Variants in TARBP2 observed in about 807,000 individuals in gnomAD.
TARBP2 encodes the protein RISC-loading complex subunit TARBP2.
Under a neutral mutation model 40.4 loss-of-function variants are expected in TARBP2, and 23 were observed. The observed-to-expected ratio is 0.57, with a 90% CI of 0.41 to 0.81. The LOEUF (loss-of-function observed/expected upper bound fraction) is 0.81. Ranked by LOEUF, TARBP2 falls within the 30% of genes least tolerant of loss-of-function variation. The pLI, the probability that TARBP2 is intolerant of heterozygous loss-of-function variation, is 0.00. For synonymous variants in TARBP2, 183 were observed against 190.5 expected (o/e 0.96, Z 0.32); for missense variants, 358 against 473.7 (o/e 0.76, Z 2.27).
Position 53,501,456 on chromosome 12 carries a change from G to GCCTAGGTGAGCCGTCTC in TARBP2, c.49_53+12dup, listed in dbSNP as rs1181295748. The GCCTAGGTGAGCCGTCTC allele has an allele frequency of 1.9e-6, 3 of 1,567,232 alleles. No homozygotes were observed. The highest frequency in any genetic ancestry group is 2.6e-6 in the Non-Finnish European group (3 of 1,155,832). On this transcript the variant is annotated stop_gained and frameshift_variant, in exon 1 of 9. Transcript: ENST00000266987. LOFTEE classifies it high-confidence loss of function. ...CCGGCACTACCACGGGCTGCGGGCT[G>GCCTAGGTGAGCCGTCTC]CCTAGGTGAGCCGTCTCGTACCGAT...
In TARBP2 at chr12:53,502,035, C is replaced by T. The variant is rs143690659; in HGVS notation, c.74C>T (p.Ala25Val). The change falls in exon 2 of 9, where the codon GCC (alanine) becomes GTC (valine). Residue 25 changes from alanine (A) to valine (V), a missense_variant. Around this residue, in one of 3 missense-constraint regions of TARBP2, gnomAD observed 9 missense variants for 29.1 expected, o/e 0.31. Transcript: ENST00000266987. ...CCCAGTATAGAGCAAATGCTGGCCG[C>T]CAACCCAGGCAAGACCCCGATCAGC... ...GLPSIEQMLA[A>V]NPGKTPISLL... is the part of the protein sequence containing the mutation. 2.7e-5 allele frequency: 44 copies of T among 1,614,210 alleles called. No homozygotes were observed. In the African/African-American group the frequency reaches 5.6e-4, roughly 21 times the overall value.
chr12:53,501,953 G>A (rs2137257106), intron 1 of TARBP2, 62 bp from the exon 2 acceptor site: 2 of 1,598,152 alleles, frequency 1.3e-6, no homozygotes, highest in Non-Finnish European at 1.7e-6. Flanking sequence ...TGGTATGGAA[G>A]TGCTTGGCTA....
In TARBP2 at chr12:53,506,220, G is replaced by A. The variant is rs865946250; in HGVS notation, c.*72G>A. 2.3e-5 allele frequency: 35 copies of A among 1,543,898 alleles called. No homozygotes were observed. The Middle Eastern group carries it at 6.9e-4, about 31-fold the overall frequency. On this transcript the variant is annotated 3_prime_UTR_variant, in exon 9 of 9. Coordinates refer to ENST00000266987, the MANE Select transcript of TARBP2 (RefSeq NM_134323.2). ...TCTGCCTCTGGGCTCATGTATCTGC[G>A]CAGCTCTGGTACCCTCTGTGGGTGC...
In TARBP2 at chr12:53,505,014, C is replaced by T; in HGVS notation, c.614-121C>T. The stretch of plus-strand genomic sequence containing the variant: ...CTGACCAGGTTCTCACGTGCATGGG[C>T]AGGTCTTGAGTTCCCCTTTCCAGTT... On this transcript the variant is annotated intron_variant, in intron 6 of 8. Transcript: ENST00000266987. This position sits in a 1 kb window ranked among gnomAD's most constrained non-coding sequence, Gnocchi z 4.5. The T allele has an allele frequency of 6.7e-7, 1 of 1,501,076 alleles. No individual in the cohort carries two copies. Among genetic ancestry groups the T allele is most frequent in the Non-Finnish European group, 9.0e-7 (1 of 1,110,946 alleles). 93.0% of individuals were successfully genotyped at this position (1,501,076 alleles called of 1,614,324 possible). A position where few individuals can be genotyped will look rare whatever the true frequency, so the allele number is the denominator to read the frequency against.
Position 53,505,423 on chromosome 12 carries a change from C to T in TARBP2, c.741+161C>T, listed in dbSNP as rs530491798. ...CCCAGGGTTCCTGGGGCCGACTCAG[C>T]CTTGACTGTAGGCCCGCTCTGTAGC... On this transcript the variant is annotated intron_variant, in intron 7 of 8. Transcript: ENST00000266987. The surrounding 1 kb of genome is among the most constrained non-coding windows in gnomAD (Gnocchi z 4.5). 6.6e-5 allele frequency among the ~76,000 whole-genome samples: 10 copies of T among 152,304 alleles called. No individual in the cohort carries two copies. Among genetic ancestry groups the T allele is most frequent in the Admixed American group, 1.3e-4 (2 of 15,304 alleles).
Position 53,505,936 on chromosome 12 carries a change from C to T in TARBP2, c.944-55C>T. ...GGGGTGATGATAACGTGAACGCACC[C>T]CTCCCCAGGGCTACCTCCCCCAACA... On this transcript the variant is annotated intron_variant, in intron 8 of 8. Coordinates refer to ENST00000266987, the MANE Select transcript of TARBP2 (RefSeq NM_134323.2). This position sits in a 1 kb window ranked among gnomAD's most constrained non-coding sequence, Gnocchi z 4.5. The T allele has an allele frequency of 6.2e-7, 1 of 1,604,828 alleles. No homozygotes were observed. The highest frequency in any genetic ancestry group is 1.7e-5 in the Admixed American group (1 of 59,774).
chr12:53,504,468 A>T lies in TARBP2; in HGVS notation c.494A>T (p.Gln165Leu). 6.2e-7 allele frequency: 1 copy of T among 1,613,344 alleles called. No homozygotes were observed. The highest frequency in any genetic ancestry group is 2.2e-5 in the East Asian group (1 of 44,860). ...GAGTGCAACCCCGTTGGTGCTCTGC[A>T]GGTGTGTCCCATCCTCATTTCCCAT... is the stretch of plus-strand genomic sequence containing the variant. ...QSECNPVGAL[Q>L]ELVVQKGWRL... The change falls in exon 5 of 9, where the codon CAG becomes CTG. Residue 165 changes from glutamine (Q) to leucine (L), a missense_variant and splice_region_variant. By Grantham distance (113) the Gln-to-Leu change is moderately radical. Coordinates refer to ENST00000266987, the MANE Select transcript of TARBP2 (RefSeq NM_134323.2).
rs776561374 is a variant in TARBP2 at position 53,504,801 on chromosome 12, G to A, written c.599G>A (p.Arg200His). Reference protein sequence around the residue: ...KEFTMTCRVERFIEIGSGTSK... With the variant: ...KEFTMTCRVEHFIEIGSGTSK... ...TTCACCATGACCTGTCGAGTGGAGCGTTTCATTGAGATTGGTAACTGGGCA... is the reference window on the plus strand; with the variant it reads ...TTCACCATGACCTGTCGAGTGGAGCATTTCATTGAGATTGGTAACTGGGCA... Residue 200 changes from arginine (R) to histidine (H), a missense_variant, in exon 6 of 9, where the codon CGT becomes CAT. By Grantham distance (29) the Arg-to-His change is conservative. This residue lies in a region of TARBP2 where 317 missense variants were observed against 422.9 expected (regional missense o/e 0.75). Coordinates refer to ENST00000266987, the MANE Select transcript of TARBP2 (RefSeq NM_134323.2). The A allele has an allele frequency of 5.6e-6, 9 of 1,613,896 alleles. No individual in the cohort carries two copies. In the South Asian group the frequency reaches 6.6e-5, roughly 12 times the overall value.
chr12:53,502,446 A>T (rs1943758015), intron 2 of TARBP2: 1 of 481,166 alleles, frequency 2.1e-6, no homozygotes, highest in Non-Finnish European at 3.7e-6. Context: ...AGAGAAGATA[A>T]CTGAAATCCC....
At chr12:53,501,721 T>TTCC (rs1943718995) in intron 1 of TARBP2, 1 of 1,430,856 alleles carries the variant, frequency 7.0e-7, no homozygotes, top group African/African-American at 1.4e-5. Context: ...GGGTACTGGG[T>TTCC]TCCTGGCTTG....
rs1943952011 is a variant in TARBP2 at position 53,505,830 on chromosome 12, A to G, written c.923A>G (p.His308Arg). Reference protein sequence around the residue: ...LSELSEEQAFHVSYLDIEELS... With the variant: ...LSELSEEQAFRVSYLDIEELS... ...GAGCTCTCTGAGGAGCAGGCCTTTC[A>G]CGTCAGCTACCTGGATATTGGTATG... The change falls in exon 8 of 9, where the codon CAC (histidine) becomes CGC (arginine). Residue 308 changes from histidine to arginine, a missense_variant. His to Arg is a conservative substitution (Grantham distance 29). Transcript: ENST00000266987. This position sits in a 1 kb window ranked among gnomAD's most constrained non-coding sequence, Gnocchi z 4.5. The G allele has an allele frequency of 6.2e-7, 1 of 1,613,628 alleles. No homozygotes were observed. Among genetic ancestry groups the G allele is most frequent in the African/African-American group, 1.3e-5 (1 of 74,796 alleles).
At chr12:53,504,498 G>A (rs758024166) in intron 5 of TARBP2, 29 bp downstream of exon 5, 1 of 1,609,546 alleles carries the variant, frequency 6.2e-7, no homozygotes, top group East Asian at 2.2e-5. Context: ...TCCCATGCAT[G>A]CCTGTCTTCC....
chr12:53,501,994 GGTCT>G lies in TARBP2; in HGVS notation c.54-18_54-15del. The G allele has an allele frequency of 6.2e-7, 1 of 1,613,632 alleles. No homozygotes were observed. Among genetic ancestry groups the G allele is most frequent in the Non-Finnish European group, 8.5e-7 (1 of 1,179,724 alleles). On this transcript the variant is annotated splice_polypyrimidine_tract_variant and intron_variant, in intron 1 of 8. Transcript: ENST00000266987. Reference sequence around the variant, plus strand: ...GTGCAGAGAGGGGAGGTGTGATGTGGGTCTGTGCCCCTTCCCCCAGTATAGAGCA... The same window carrying G: ...GTGCAGAGAGGGGAGGTGTGATGTGGGTGCCCCTTCCCCCAGTATAGAGCA...
rs554613712 is a variant in TARBP2 at position 53,503,073 on chromosome 12, G to A, written c.270G>A (p.Val90=). 1.3e-6 allele frequency: 2 copies of A among 1,551,152 alleles called. No individual in the cohort carries two copies. The highest frequency in any genetic ancestry group is 1.2e-5 in the South Asian group (1 of 83,950). The change falls in exon 3 of 9, where the codon GTG becomes GTA. Residue 90 remains valine, a synonymous_variant. Transcript: ENST00000266987. ...CAGCCAAGCACAAGGCAGCTGAGGT[G>A]GCCCTCAAACACCTCAAAGGGGGGA... is the stretch of plus-strand genomic sequence containing the variant. ...KKAAKHKAAE[V]ALKHLKGGSM...
At chr12:53,502,952 A>T (rs1592735031) in intron 2 of TARBP2, 75 bp from the exon 3 acceptor site, 1 of 1,446,788 alleles carries the variant, frequency 6.9e-7, no homozygotes, top group Non-Finnish European at 9.3e-7. Flanking sequence ...GGCTACGAGG[A>T]GAGAGGCTGT....
At chr12:53,502,252 GTC>G in intron 2 of TARBP2, 68 bp downstream of exon 2, 5 of 1,568,640 alleles carry the variant, frequency 3.2e-6, no homozygotes, top group Non-Finnish European at 3.5e-6. Context: ...GTTTCTTGGA[GTC>G]TCTCTCTTCA....
chr12:53,502,401 ATCT>A (rs1943755940), intron 2 of TARBP2: 2 of 590,524 alleles, frequency 3.4e-6, no homozygotes, highest in South Asian at 4.1e-5. Context: ...TCCCACAGTG[ATCT>A]GGCAGATCCC....
intron 5 of TARBP2, 75 bp from the exon 6 acceptor site, chr12:53,504,623 C>G: frequency 1.2e-6 from 2 of 1,613,450 alleles, no homozygotes; most frequent in Non-Finnish European, 1.7e-6. Context: ...GTCTGAGGCT[C>G]CTGCGTGGGG....
In TARBP2 at chr12:53,505,037, G is replaced by GT; in HGVS notation, c.614-96dup. The GT allele has an allele frequency of 6.5e-7, 1 of 1,528,588 alleles. No individual in the cohort carries two copies. The highest frequency in any genetic ancestry group is 8.8e-7 in the Non-Finnish European group (1 of 1,132,900). 94.7% of individuals were successfully genotyped at this position (1,528,588 alleles called of 1,614,324 possible). The stretch of plus-strand genomic sequence containing the variant: ...GGCAGGTCTTGAGTTCCCCTTTCCA[G>GT]TTGACATTCTGGGGGGACCCTCAAT... On this transcript the variant is annotated intron_variant, in intron 6 of 8. Transcript: ENST00000266987. The surrounding 1 kb of genome is among the most constrained non-coding windows in gnomAD (Gnocchi z 4.5).
Sources: allele counts gnomAD v4.1 joint callset (sites outside exome capture counted in the v4.1 genomes callset), GRCh38; gene constraint gnomAD v4.1.1; regional missense constraint gnomAD v4.1.1; non-coding constraint Gnocchi (gnomAD v3.1); transcripts MANE v1.5; gene names NCBI Gene and HGNC (gene_info 2026-07-23, HGNC 2026-07-21).